Variants in MACROH2A1 observed in about 807,000 individuals in gnomAD.
The protein encoded by MACROH2A1 is core histone macro-H2A.1.
In MACROH2A1, 2 loss-of-function variants were observed where a neutral mutation model predicts 31.6. The observed-to-expected ratio is 0.06, with a 90% CI of 0.03 to 0.20. The LOEUF (loss-of-function observed/expected upper bound fraction) is 0.20. Ranked by LOEUF, MACROH2A1 falls within the 10% of genes least tolerant of loss-of-function variation. The pLI is 1.00. For synonymous variants in MACROH2A1, 169 were observed against 189.6 expected (o/e 0.89, Z 0.89); for missense variants, 230 against 474.0 (o/e 0.49, Z 4.78).
At chr5:135,340,599 G>A (rs1425067711) in intron 8 of MACROH2A1, among the ~76,000 whole-genome samples, 1 of 152,222 alleles carries the variant, frequency 6.6e-6, no homozygotes, top group Non-Finnish European at 1.5e-5. Flanking sequence ...ACACAGGTGT[G>A]GTTATGGTCA....
At chr5:135,397,508 T>C (rs746273651) in intron 1 of MACROH2A1, among the ~76,000 whole-genome samples, 1 of 152,216 alleles carries the variant, frequency 6.6e-6, no homozygotes, top group Non-Finnish European at 1.5e-5. Context: ...GGATCAGCAT[T>C]AACAATGGTG....
intron 6 of MACROH2A1, chr5:135,350,824 T>TA: frequency 6.3e-7 from 1 of 1,599,636 alleles, no homozygotes. Context: ...AGGCATTACC[T>TA]ACTTCACCAC....
Position 135,346,028 on chromosome 5 carries a change from C to T in MACROH2A1, c.718G>A (p.Glu240Lys). 1 of 1,613,990 alleles carries T rather than the reference C, an allele frequency of 6.2e-7. No individual in the cohort carries two copies. The highest frequency in any genetic ancestry group is 2.2e-5 in the East Asian group (1 of 44,880). ...AGTTCCAGGACAGCTTCCACAAACT[C>T]CTTGCCACCTTTCTTCTCCAGCGTG... is the stretch of plus-strand genomic sequence containing the variant. ...GNTLEKKGGKEFVEAVLELRK... is the reference protein window; with the variant it reads ...GNTLEKKGGKKFVEAVLELRK... Residue 240 changes from glutamate (E) to lysine (K), a missense_variant, in exon 7 of 9, where the codon GAG (glutamate) becomes AAG (lysine). Coordinates refer to ENST00000511689, the MANE Select transcript of MACROH2A1 (RefSeq NM_138610.3).
At chr5:135,359,252 T>C in intron 5 of MACROH2A1, 1 of 985,378 alleles carries the variant, frequency 1.0e-6, no homozygotes, top group South Asian at 4.7e-5. Context: ...TGAACTGCTC[T>C]GTATTTCAAA....
chr5:135,373,172 C>G (rs760349980), intron 2 of MACROH2A1, among the ~76,000 whole-genome samples: 20 of 152,096 alleles, frequency 1.3e-4, no homozygotes, highest in Non-Finnish European at 2.2e-4. Flanking sequence ...GGAGGAAGGC[C>G]CTCCCTGAGA....
At chr5:135,388,707 C>T (rs1176531004) in intron 2 of MACROH2A1, among the ~76,000 whole-genome samples, 2 of 152,184 alleles carry the variant, frequency 1.3e-5, no homozygotes, top group Non-Finnish European at 2.9e-5. Flanking sequence ...ACACATATGC[C>T]TGCATGCACA....
intron 6 of MACROH2A1, among the ~76,000 whole-genome samples, chr5:135,349,237 T>C (rs1452083753): frequency 1.3e-5 from 2 of 152,212 alleles, no homozygotes; most frequent in Non-Finnish European, 2.9e-5. Context: ...ACCCAGGCCT[T>C]AGTCACTCCC....
intron 2 of MACROH2A1, among the ~76,000 whole-genome samples, chr5:135,373,449 C>T (rs1181580547): frequency 6.6e-6 from 1 of 152,128 alleles, no homozygotes; most frequent in Non-Finnish European, 1.5e-5. Flanking sequence ...TCCCTGGCTT[C>T]GCAAGCTTTA....
chr5:135,383,700 GGTGT>G (rs61338247), intron 2 of MACROH2A1, among the ~76,000 whole-genome samples: 7,723 of 137,076 alleles, frequency 0.056, 301 homozygotes, highest in African/African-American at 0.12. Context: ...GATGTGGTGT[GGTGT>G]GTGTGTGTGT....
Position 135,352,801 on chromosome 5 carries a change from A to G in MACROH2A1, c.688+145T>C, listed in dbSNP as rs1167955143. 2.4e-5 allele frequency: 15 copies of G among 629,550 alleles called. No homozygotes were observed. The South Asian group carries it at 2.7e-4, about 11-fold the overall frequency. The allele number at this position is 629,550 out of a possible 1,614,324, so 39.0% of individuals were successfully genotyped here. A position where few individuals can be genotyped will look rare whatever the true frequency, so the allele number is the denominator to read the frequency against. On this transcript the variant is annotated intron_variant, in intron 6 of 8. Coordinates refer to ENST00000511689, the MANE Select transcript of MACROH2A1 (RefSeq NM_138610.3). ...TTGGAATGGCCTGGAGTAAGTTGAT[A>G]TTCAGCGTCTACACTCAAATATCAA... is the stretch of plus-strand genomic sequence containing the variant.
chr5:135,334,970 C>A lies in MACROH2A1; in HGVS notation c.*6G>T. ...CATGGTGCAGCTGGTTCTGTCATTGCTCAGCCTAGTTGGCGTCCAGCTTGG... is the reference window on the plus strand; with the variant it reads ...CATGGTGCAGCTGGTTCTGTCATTGATCAGCCTAGTTGGCGTCCAGCTTGG... On this transcript the variant is annotated 3_prime_UTR_variant, in exon 9 of 9. Coordinates refer to ENST00000511689, the MANE Select transcript of MACROH2A1 (RefSeq NM_138610.3). 6.2e-7 allele frequency: 1 copy of A among 1,612,020 alleles called. No individual in the cohort carries two copies. Among genetic ancestry groups the A allele is most frequent in the East Asian group, 2.2e-5 (1 of 44,830 alleles).
At chr5:135,386,001 A>G (rs1344728396) in intron 2 of MACROH2A1, among the ~76,000 whole-genome samples, 3 of 152,178 alleles carry the variant, frequency 2.0e-5, no homozygotes, top group African/African-American at 7.2e-5. Flanking sequence ...AACAAAAGTG[A>G]AGAGGAGAGC....
chr5:135,355,428 G>C, intron 5 of MACROH2A1: 1 of 358,730 alleles, frequency 2.8e-6, no homozygotes, highest in Non-Finnish European at 5.5e-6. Flanking sequence ...GATGAGGCTA[G>C]AGCTGTGATT....
chr5:135,370,182 AC>A, intron 2 of MACROH2A1, 40 bp from the exon 3 acceptor site: 1 of 1,329,356 alleles, frequency 7.5e-7, no homozygotes, highest in Non-Finnish European at 1.1e-6. Flanking sequence ...ATGTTAGAGG[AC>A]CATGTGTCCC....
In MACROH2A1 at chr5:135,371,119, T is replaced by G. The variant is rs552747178; in HGVS notation, c.173-977A>C. On this transcript the variant is annotated intron_variant, in intron 2 of 8. Coordinates refer to ENST00000511689, the MANE Select transcript of MACROH2A1 (RefSeq NM_138610.3). The stretch of plus-strand genomic sequence containing the variant: ...TCATTTGCAACAACATGGATAAACC[T>G]GGAGGACATTATGCTAAGTGAAATA... Among the ~76,000 whole-genome samples the G allele has an allele frequency of 4.9e-4, 74 of 152,308 alleles. 1 individual carries two copies. Among genetic ancestry groups the G allele is most frequent in the African/African-American group, 1.7e-3 (69 of 41,556 alleles).
At chr5:135,363,893 G>A (rs1468183905) in intron 4 of MACROH2A1, among the ~76,000 whole-genome samples, 1 of 152,182 alleles carries the variant, frequency 6.6e-6, no homozygotes, top group Non-Finnish European at 1.5e-5. Context: ...GTATCTCATT[G>A]TGGTTTTGAT....
chr5:135,336,534 GC>G (rs1284472846), intron 8 of MACROH2A1, among the ~76,000 whole-genome samples: 1 of 95,500 alleles, frequency 1.0e-5, no homozygotes, highest in Non-Finnish European at 1.9e-5. Flanking sequence ...AGCAGCCAGC[GC>G]ATACAACTCT....
At chr5:135,340,266 G>A (rs1281568206) in intron 8 of MACROH2A1, among the ~76,000 whole-genome samples, 1 of 152,186 alleles carries the variant, frequency 6.6e-6, no homozygotes, top group Non-Finnish European at 1.5e-5. Context: ...CTTTGCCCTT[G>A]AAAGGAATAA....
At chr5:135,358,661 T>C (rs1762465255) in intron 5 of MACROH2A1, 2 of 954,086 alleles carry the variant, frequency 2.1e-6, no homozygotes, top group Non-Finnish European at 1.2e-6. Flanking sequence ...TTAAGCTAAG[T>C]TCACTGCTTT....
Sources: gnomAD v4.1 joint callset for allele counts (sites outside exome capture counted in the v4.1 genomes callset) on GRCh38, gnomAD v4.1.1 for gene constraint, MANE v1.5 for transcripts, NCBI Gene and HGNC (gene_info 2026-07-23, HGNC 2026-07-21) for gene names.